Variants in MED14 observed in about 807,000 individuals in gnomAD.
MED14 encodes the protein mediator complex subunit 14, also known as mediator of RNA polymerase II transcription subunit 14.
Under a neutral mutation model 109.0 loss-of-function variants are expected in MED14, and 8 were observed. That is an observed-to-expected ratio of 0.07 (90% CI 0.04 to 0.13). The LOEUF is 0.13. MED14 is among the 10% of genes least tolerant of loss of function. MED14 has a pLI of 1.00. For missense variants in MED14, 711 were observed against 1,142.4 expected, an observed-to-expected ratio of 0.62 and a Z score of 5.44; for synonymous variants, 399 against 408.7, an observed-to-expected ratio of 0.98 and a Z score of 0.29.
chrX:40,723,269 CTT>C (rs1398210027), intron 3 of MED14, among the ~76,000 whole-genome samples: 1 of 111,943 alleles, frequency 8.9e-6, no homozygotes, highest in South Asian at 3.7e-4. Flanking sequence ...CATTAGTTTT[CTT>C]TTTGTGTGTT....
At chrX:40,702,346 G>GT (rs35345632) in intron 11 of MED14, among the ~76,000 whole-genome samples, 7,941 of 82,030 alleles carry the variant, frequency 0.097, 907 homozygotes, top group African/African-American at 0.27. Context: ...TATAAGTTTT[G>GT]TTTTTTTTTT....
At chrX:40,667,466 A>G (rs899266771) in intron 23 of MED14, among the ~76,000 whole-genome samples, 6 of 112,016 alleles carry the variant, frequency 5.4e-5, no homozygotes, top group Non-Finnish European at 9.4e-5. Flanking sequence ...CAAAGGTGGA[A>G]GCAGTTATCA....
chrX:40,702,346 G>GTT (rs35345632), intron 11 of MED14, among the ~76,000 whole-genome samples: 15,951 of 81,982 alleles, frequency 0.19, 1,850 homozygotes, highest in African/African-American at 0.32. Flanking sequence ...TATAAGTTTT[G>GTT]TTTTTTTTTT....
At chrX:40,658,537 A>T (rs931299852) in intron 28 of MED14, among the ~76,000 whole-genome samples, 1 of 110,548 alleles carries the variant, frequency 9.0e-6, no homozygotes, top group Non-Finnish European at 1.9e-5. Flanking sequence ...CAGGATGTGT[A>T]AATATCATTT....
At chrX:40,678,042 C>T (rs973888711) in intron 21 of MED14, among the ~76,000 whole-genome samples, 1 of 110,731 alleles carries the variant, frequency 9.0e-6, no homozygotes, top group African/African-American at 3.3e-5. Context: ...CAAATTAATT[C>T]CCCACCCCCC....
At chrX:40,677,366 A>G (rs1387287277) in intron 21 of MED14, among the ~76,000 whole-genome samples, 2 of 111,558 alleles carry the variant, frequency 1.8e-5, no homozygotes, top group African/African-American at 6.5e-5. Context: ...ACCACAGTCA[A>G]TAAGTCTTAC....
rs1329801174 is a variant in MED14 at position 40,648,678 on chromosome X, C to T, written c.*3128G>A. On this transcript the variant is annotated 3_prime_UTR_variant, in exon 31 of 31. Coordinates refer to ENST00000324817, the MANE Select transcript of MED14 (RefSeq NM_004229.4). Reference sequence around the variant, plus strand: ...AATACTTGCTATTATTTTATATTGACCTAAATATGCCCTTTCATCAATCAG... The same window carrying T: ...AATACTTGCTATTATTTTATATTGATCTAAATATGCCCTTTCATCAATCAG... The T allele has an allele frequency of 8.9e-6, 1 of 112,302 alleles. No individual in the cohort carries two copies. The highest frequency in any genetic ancestry group is 1.9e-5 in the Non-Finnish European group (1 of 53,232). 9.3% of individuals were successfully genotyped at this position (112,302 alleles called of 1,213,427 possible).
rs200580304 is a variant in MED14 at position 40,670,320 on chromosome X, T to TTA, written c.3133+1540_3133+1541insTA. ...CTCACAACATCTCTATGGAAAAGGT[T>TTA]TTATATTATTCTCATTTTACAAATG... is the stretch of plus-strand genomic sequence containing the variant. On this transcript the variant is annotated intron_variant, in intron 23 of 30. Transcript: ENST00000324817. Among the ~76,000 whole-genome samples the TTA allele has an allele frequency of 8.6e-3, 966 of 112,749 alleles. 7 individuals carry two copies. Among genetic ancestry groups the TTA allele is most frequent in the African/African-American group, 0.029 (903 of 31,019 alleles).
chrX:40,729,258 C>T (rs1266305609), intron 2 of MED14, 61 bp downstream of exon 2: 2 of 1,109,485 alleles, frequency 1.8e-6, no homozygotes, highest in Non-Finnish European at 2.4e-6. Context: ...CATACCCACA[C>T]ACCAACACTC....
chrX:40,703,370 C>T, intron 11 of MED14, 74 bp downstream of exon 11: 2 of 942,011 alleles, frequency 2.1e-6, no homozygotes. Flanking sequence ...TACCTAATGA[C>T]AGAAAATGTT....
chrX:40,663,851 T>C (rs899763106), intron 25 of MED14, among the ~76,000 whole-genome samples: 5 of 112,335 alleles, frequency 4.5e-5, no homozygotes, highest in African/African-American at 1.6e-4. Flanking sequence ...GCTCCTGGCA[T>C]ACAAATCCTA....
chrX:40,678,326 C>G (rs1262374776), intron 21 of MED14, among the ~76,000 whole-genome samples: 3 of 81,373 alleles, frequency 3.7e-5, no homozygotes, highest in Non-Finnish European at 6.1e-5. Flanking sequence ...AGTTACATAA[C>G]TAGGAGAAGA....
Position 40,692,334 on chromosome X carries a change from G to T in MED14, c.1846-17C>A. ...ATCAGACAACTAGAATTTAAGTAAA[G>T]AACACAAACAGGTAAAAAAAAAAAA... On this transcript the variant is annotated splice_polypyrimidine_tract_variant and intron_variant, in intron 14 of 30. Coordinates refer to ENST00000324817, the MANE Select transcript of MED14 (RefSeq NM_004229.4). 8 of 944,073 alleles carry T rather than the reference G, an allele frequency of 8.5e-6. No homozygotes were observed. Among genetic ancestry groups the T allele is most frequent in the Non-Finnish European group, 1.1e-5 (8 of 724,161 alleles). 77.8% of individuals were successfully genotyped at this position (944,073 alleles called of 1,213,427 possible). A position where few individuals can be genotyped will look rare whatever the true frequency, so the allele number is the denominator to read the frequency against.
intron 2 of MED14, among the ~76,000 whole-genome samples, 186 bp from the exon 3 acceptor site, chrX:40,727,037 C>T (rs979221718): frequency 3.6e-5 from 4 of 111,819 alleles, no homozygotes; most frequent in Non-Finnish European, 5.6e-5. Flanking sequence ...TCTGCATATG[C>T]TTTTTCACCT....
At chrX:40,732,699 G>T (rs1324284417) in intron 1 of MED14, among the ~76,000 whole-genome samples, 1 of 110,256 alleles carries the variant, frequency 9.1e-6, no homozygotes, top group Admixed American at 9.6e-5. Flanking sequence ...AGGAGCAGTT[G>T]AGCCCATGTC....
At position 40,703,587 on chromosome X, in the gene MED14, A is replaced by T. The variant is rs1222224222; in HGVS notation, c.1286-18T>A. The T allele has an allele frequency of 1.8e-6, 2 of 1,123,209 alleles. No homozygotes were observed. The highest frequency in any genetic ancestry group is 3.7e-5 in the African/African-American group (2 of 54,374). The allele number at this position is 1,123,209 out of a possible 1,213,427, so 92.6% of individuals were successfully genotyped here. Reference sequence around the variant, plus strand: ...TATGGAAGCTGAACAATCAAGAATTAAAAATTATTTTTCTATCTGAATATT... The same window carrying T: ...TATGGAAGCTGAACAATCAAGAATTTAAAATTATTTTTCTATCTGAATATT... On this transcript the variant is annotated intron_variant, in intron 10 of 30. Transcript: ENST00000324817.
intron 23 of MED14, among the ~76,000 whole-genome samples, chrX:40,668,167 G>A (rs1929577483): frequency 9.0e-6 from 1 of 111,456 alleles, no homozygotes; most frequent in South Asian, 3.7e-4. Context: ...CGGTTCACCT[G>A]AGGTCAGGAG....
At chrX:40,730,941 G>A (rs1932060633) in intron 1 of MED14, among the ~76,000 whole-genome samples, 2 of 107,916 alleles carry the variant, frequency 1.9e-5, no homozygotes, top group South Asian at 8.3e-4. Flanking sequence ...GCTTGAGTCC[G>A]GGAGTTTGGG....
chrX:40,674,101 C>T (rs1184853277), intron 22 of MED14, among the ~76,000 whole-genome samples: 1 of 111,051 alleles, frequency 9.0e-6, no homozygotes, highest in Non-Finnish European at 1.9e-5. Flanking sequence ...CTCTGATATC[C>T]GCTGGGCCAA....
Sources: gnomAD v4.1 joint callset for allele counts (sites outside exome capture counted in the v4.1 genomes callset) on GRCh38, gnomAD v4.1.1 for gene constraint, MANE v1.5 for transcripts, NCBI Gene and HGNC (gene_info 2026-07-23, HGNC 2026-07-21) for gene names.